SHTN1: variants seen among roughly 807,000 people sequenced by gnomAD.
SHTN1 encodes shootin 1.
SHTN1 carries 42 observed loss-of-function variants against 83.1 expected under a neutral mutation model. The observed-to-expected ratio is 0.51, with a 90% CI of 0.39 to 0.65. The LOEUF (loss-of-function observed/expected upper bound fraction) is 0.65, where lower values mean the gene tolerates loss of function less well. Ranked by LOEUF, SHTN1 falls within the 30% of genes least tolerant of loss-of-function variation. The pLI, the probability that SHTN1 is intolerant of heterozygous loss-of-function variation, is 0.00. For synonymous variants in SHTN1, 224 were observed against 247.7 expected, an observed-to-expected ratio of 0.90 and a Z score of 0.90; for missense variants, 622 against 737.8, an observed-to-expected ratio of 0.84 and a Z score of 1.82.
At chr10:116,894,040 T>TA (rs1237039705) in intron 16 of SHTN1, among the ~76,000 whole-genome samples, 1 of 152,204 alleles carries the variant, frequency 6.6e-6, no homozygotes, top group Admixed American at 6.5e-5. Flanking sequence ...CAAACAATGA[T>TA]AAAAATCAAT....
intron 15 of SHTN1, among the ~76,000 whole-genome samples, chr10:116,903,588 G>A (rs182704448): frequency 6.6e-6 from 1 of 152,260 alleles, no homozygotes; most frequent in East Asian, 1.9e-4. Flanking sequence ...TGGAGCTGTG[G>A]CAGTTACGAC....
At chr10:117,004,167 G>A (rs998351474) in intron 1 of SHTN1, among the ~76,000 whole-genome samples, 1 of 152,118 alleles carries the variant, frequency 6.6e-6, no homozygotes, top group African/African-American at 2.4e-5. Flanking sequence ...GATTACAGGC[G>A]TGAGCCACCG....
At chr10:116,921,992 ACT>A (rs917350455) in intron 11 of SHTN1, among the ~76,000 whole-genome samples, 1 of 152,116 alleles carries the variant, frequency 6.6e-6, no homozygotes, top group African/African-American at 2.4e-5. Flanking sequence ...TATTTACATC[ACT>A]CTCTCTCTGG....
intron 2 of SHTN1, among the ~76,000 whole-genome samples, chr10:117,011,338 A>C (rs528193891): frequency 6.6e-6 from 1 of 152,128 alleles, no homozygotes; most frequent in South Asian, 2.1e-4. Context: ...TCCCAATACC[A>C]CTTGTTAAAT....
intron 1 of SHTN1, 108 bp from the exon 2 acceptor site, chr10:116,979,416 G>T (rs910948418): frequency 1.2e-6 from 1 of 825,752 alleles, no homozygotes; most frequent in South Asian, 1.4e-5. Context: ...TTGAGGTAGG[G>T]TGGAGAAGAG....
At position 117,079,438 on chromosome 10, in the gene SHTN1, GT is replaced by G. The variant is rs1240427034; in HGVS notation, c.-188-30929del. On this transcript the variant is annotated intron_variant, in intron 1 of 17. Transcript: ENST00000392901. ...CATTTTCTTAATCCAGTCTATCATT[GT>G]TGGACATTTGGGTTGGTTCCAAGTC... Among the ~76,000 whole-genome samples, 73 of 117,052 alleles carry G rather than the reference GT, an allele frequency of 6.2e-4. 1 individual carries two copies. The South Asian group carries it at 0.022, about 36-fold the overall frequency. The allele number at this position is 117,052 out of a possible 152,430, so 76.8% of individuals were successfully genotyped here. A position where few individuals can be genotyped will look rare whatever the true frequency, so the allele number is the denominator to read the frequency against.
intron 11 of SHTN1, among the ~76,000 whole-genome samples, chr10:116,924,991 T>C (rs999023907): frequency 2.0e-5 from 3 of 151,802 alleles, no homozygotes; most frequent in Non-Finnish European, 4.4e-5. Context: ...CTCCTGACCT[T>C]GTGATCCGCC....
chr10:117,126,418 C>G (rs1589942937), exon 1 of SHTN1: 1 of 210,288 alleles, frequency 4.8e-6, no homozygotes, highest in Non-Finnish European at 9.9e-6. Flanking sequence ...CCTAGAGCGC[C>G]AGCCCTGCCT....
chr10:117,067,294 T>C (rs548259140), intron 1 of SHTN1, among the ~76,000 whole-genome samples: 33 of 152,294 alleles, frequency 2.2e-4, no homozygotes, highest in African/African-American at 7.7e-4. Context: ...CAGATTTACA[T>C]GTTAGAAAGA....
At chr10:116,944,165 T>A (rs929368017) in intron 8 of SHTN1, among the ~76,000 whole-genome samples, 1 of 152,208 alleles carries the variant, frequency 6.6e-6, no homozygotes, top group Non-Finnish European at 1.5e-5. Flanking sequence ...TGAGATGGTA[T>A]ATGGAGATAC....
intron 1 of SHTN1, among the ~76,000 whole-genome samples, chr10:117,066,822 T>C (rs1283942420): frequency 2.6e-5 from 4 of 152,172 alleles, no homozygotes; most frequent in African/African-American, 9.7e-5. Context: ...CTGGTACTAT[T>C]CTTAATGCTA....
intron 9 of SHTN1, among the ~76,000 whole-genome samples, chr10:116,937,098 G>A (rs879398988): frequency 6.7e-6 from 1 of 149,924 alleles, no homozygotes; most frequent in Non-Finnish European, 1.5e-5. Flanking sequence ...ACACCGATGG[G>A]TCTTGACTCT....
At chr10:117,029,250 A>G (rs901197876) in intron 2 of SHTN1, among the ~76,000 whole-genome samples, 2 of 152,210 alleles carry the variant, frequency 1.3e-5, no homozygotes, top group African/African-American at 4.8e-5. Context: ...TGGAATGGGA[A>G]TATTTACCTA....
At chr10:116,993,160 C>T (rs1017425035) in intron 1 of SHTN1, among the ~76,000 whole-genome samples, 1 of 151,542 alleles carries the variant, frequency 6.6e-6, no homozygotes, top group African/African-American at 2.4e-5. Flanking sequence ...GGACTACAGG[C>T]ACGTGCCACC....
At position 116,913,557 on chromosome 10, in the gene SHTN1, T is replaced by C. The variant is rs942784220; in HGVS notation, c.1306-1714A>G. ...GAAAACGAAAGTACGTATGGAACAT[T>C]GATTGCTTATGATTTAAGAAGTTTT... On this transcript the variant is annotated intron_variant, in intron 13 of 16. Transcript: ENST00000355371. 2.0e-5 allele frequency among the ~76,000 whole-genome samples: 3 copies of C among 152,232 alleles called. No individual in the cohort carries two copies. The East Asian group carries it at 5.8e-4, about 29-fold the overall frequency.
intron 2 of SHTN1, among the ~76,000 whole-genome samples, chr10:116,978,622 A>G (rs143308477): frequency 6.6e-6 from 1 of 151,478 alleles, no homozygotes; most frequent in Non-Finnish European, 1.5e-5. Context: ...TTAGCTATAT[A>G]TATTAGCAAG....
At chr10:117,030,515 C>T (rs1358896355) in intron 2 of SHTN1, among the ~76,000 whole-genome samples, 2 of 152,034 alleles carry the variant, frequency 1.3e-5, no homozygotes, top group African/African-American at 2.4e-5. Context: ...CTAAATAATG[C>T]ACCAGGAACC....
intron 7 of SHTN1, among the ~76,000 whole-genome samples, chr10:116,946,490 T>C (rs928622642): frequency 4.2e-5 from 6 of 142,872 alleles, no homozygotes; most frequent in Non-Finnish European, 7.6e-5. Flanking sequence ...AAATATTTTA[T>C]ATATAAATAT....
At chr10:117,001,904 G>C (rs1201427840) in intron 1 of SHTN1, among the ~76,000 whole-genome samples, 1 of 151,892 alleles carries the variant, frequency 6.6e-6, no homozygotes. Flanking sequence ...ACTAAGGAAG[G>C]ACCCATATGA....
Sources: allele counts gnomAD v4.1 joint callset (sites outside exome capture counted in the v4.1 genomes callset), GRCh38; gene constraint gnomAD v4.1.1; transcripts MANE v1.5; gene names NCBI Gene and HGNC (gene_info 2026-07-23, HGNC 2026-07-21).